The following ARFIP1 variants were observed in gnomAD, a reference collection of about 807,000 sequenced individuals.
The protein encoded by ARFIP1 is ARF interacting protein 1.
A neutral mutation model predicts 42.5 loss-of-function variants in ARFIP1; 24 were observed. The ratio of observed to expected loss-of-function variants is 0.57; its 90% confidence interval spans 0.41 to 0.80. The LOEUF (loss-of-function observed/expected upper bound fraction) is 0.80. ARFIP1 is among the 30% of genes least tolerant of loss of function. The pLI is 0.00. For synonymous variants in ARFIP1, 141 were observed against 153.7 expected, an observed-to-expected ratio of 0.92 and a Z score of 0.61; for missense variants, 354 against 434.0, an observed-to-expected ratio of 0.82 and a Z score of 1.64.
intron 2 of ARFIP1, 105 bp downstream of exon 2, chr4:152,829,831 T>G: frequency 1.1e-6 from 1 of 906,128 alleles, no homozygotes. Flanking sequence ...TTTCTTAGAT[T>G]GGCTTCAGTC....
rs1554037687 is a variant in ARFIP1, at chr4:152,910,153, T to TAG, written c.1057_1058insGA (p.Lys353ArgfsTer8). ...ATCAGAAGCAGCTTGAACAGACACT[T>TAG]AAACAGTTCCATATCAAATTGAAAA... On this transcript the variant is annotated frameshift_variant, in exon 9 of 9. Transcript: ENST00000353617. LOFTEE classifies it high-confidence loss of function. 1.9e-6 allele frequency: 3 copies of TAG among 1,614,036 alleles called. No individual in the cohort carries two copies. In the African/African-American group the frequency reaches 4.0e-5, roughly 22 times the overall value.
intron 1 of ARFIP1, chr4:152,796,364 A>G: frequency 1.4e-6 from 1 of 721,976 alleles, no homozygotes; most frequent in Non-Finnish European, 2.5e-6. Context: ...TTTTCTTGTA[A>G]AGACATCTCT....
At chr4:152,840,456 G>A (rs1251388462) in intron 2 of ARFIP1, among the ~76,000 whole-genome samples, 1 of 152,140 alleles carries the variant, frequency 6.6e-6, no homozygotes, top group East Asian at 1.9e-4. Flanking sequence ...ATTTGTGTAG[G>A]ATTGTGATAT....
At chr4:152,837,027 G>A (rs531921889) in intron 2 of ARFIP1, among the ~76,000 whole-genome samples, 3 of 151,778 alleles carry the variant, frequency 2.0e-5, no homozygotes, top group Admixed American at 6.6e-5. Context: ...GAGAACATAC[G>A]ATGTTTGGTT....
At chr4:152,853,540 T>C (rs1733164742) in intron 2 of ARFIP1, among the ~76,000 whole-genome samples, 1 of 152,210 alleles carries the variant, frequency 6.6e-6, no homozygotes, top group East Asian at 1.9e-4. Context: ...CTTATGGGGG[T>C]TCCTTTATAG....
At chr4:152,834,646 G>A (rs1731510614) in intron 2 of ARFIP1, among the ~76,000 whole-genome samples, 1 of 152,234 alleles carries the variant, frequency 6.6e-6, no homozygotes, top group Non-Finnish European at 1.5e-5. Flanking sequence ...GGGCACCTCA[G>A]GCTTTGGGCA....
intron 2 of ARFIP1, among the ~76,000 whole-genome samples, chr4:152,832,295 C>T (rs1327082599): frequency 2.0e-5 from 3 of 152,156 alleles, no homozygotes; most frequent in Non-Finnish European, 2.9e-5. Flanking sequence ...TTAATGGTAT[C>T]CCATTGTGGT....
intron 1 of ARFIP1, among the ~76,000 whole-genome samples, chr4:152,826,739 G>A (rs1730870337): frequency 6.6e-6 from 1 of 152,162 alleles, no homozygotes; most frequent in African/African-American, 2.4e-5. Flanking sequence ...ACCCATGTTT[G>A]TAGCAGCACT....
chr4:152,866,074 A>G (rs1252534856), intron 3 of ARFIP1, among the ~76,000 whole-genome samples: 2 of 151,952 alleles, frequency 1.3e-5, no homozygotes, highest in Non-Finnish European at 2.9e-5. Flanking sequence ...GATGACTCTT[A>G]ACGAGCATGT....
chr4:152,909,105 C>T (rs1738625750), intron 8 of ARFIP1, among the ~76,000 whole-genome samples: 2 of 152,194 alleles, frequency 1.3e-5, no homozygotes, highest in South Asian at 4.1e-4. Context: ...CCTCAGATGT[C>T]CGGGCTTGGT....
chr4:152,881,048 G>A lies in ARFIP1; in HGVS notation c.497G>A (p.Arg166Lys). 1.2e-6 allele frequency: 2 copies of A among 1,613,732 alleles called. No individual in the cohort carries two copies. Among genetic ancestry groups the A allele is most frequent in the Non-Finnish European group, 1.7e-6 (2 of 1,179,756 alleles). The change falls in exon 6 of 9, where the codon AGG becomes AAG. Residue 166 changes from arginine (R) to lysine (K), a missense_variant. Coordinates refer to ENST00000353617, the MANE Select transcript of ARFIP1 (RefSeq NM_001025595.3). ...CTTGAAGCTCAGATTGATATATTAA[G>A]GGATAACAAGAAAAAATATGAAAAT... is the stretch of plus-strand genomic sequence containing the variant. ...LELEAQIDIL[R>K]DNKKKYENIL...
intron 8 of ARFIP1, among the ~76,000 whole-genome samples, chr4:152,900,559 T>G (rs1160198658): frequency 6.6e-6 from 1 of 152,178 alleles, no homozygotes; most frequent in Non-Finnish European, 1.5e-5. Flanking sequence ...ACACCCATAT[T>G]TTTATAGTGT....
intron 2 of ARFIP1, among the ~76,000 whole-genome samples, chr4:152,848,001 A>G (rs1732699906): frequency 6.6e-6 from 1 of 152,068 alleles, no homozygotes; most frequent in Non-Finnish European, 1.5e-5. Flanking sequence ...GACCCCCTGA[A>G]CCCTGCATAA....
intron 1 of ARFIP1, among the ~76,000 whole-genome samples, chr4:152,784,723 C>G (rs907953828): frequency 6.6e-6 from 1 of 152,244 alleles, no homozygotes; most frequent in Non-Finnish European, 1.5e-5. Flanking sequence ...ATCAGATCCT[C>G]TCTTGAAAGA....
chr4:152,887,596 T>TA (rs1736369613), intron 7 of ARFIP1, among the ~76,000 whole-genome samples: 1 of 152,122 alleles, frequency 6.6e-6, no homozygotes, highest in African/African-American at 2.4e-5. Flanking sequence ...ATATATTGGG[T>TA]AAAATGAAAT....
chr4:152,882,868 A>G lies in ARFIP1; in HGVS notation c.779A>G (p.Tyr260Cys), dbSNP rs1332479437. 2 of 1,606,786 alleles carry G rather than the reference A, an allele frequency of 1.2e-6. No homozygotes were observed. The highest frequency in any genetic ancestry group is 1.7e-5 in the Admixed American group (1 of 58,524). ...GATACATTAATGACTGTGAAACAGT[A>G]TGAAAGTGCCAGGTAAGGTATACAT... ...IEDTLMTVKQ[Y>C]ESARIEYDAY... is the part of the protein sequence containing the mutation. Residue 260 changes from tyrosine (Y) to cysteine (C), a missense_variant, in exon 7 of 9, where the codon TAT (tyrosine) becomes TGT (cysteine). Tyr to Cys is a radical substitution (Grantham distance 194). Coordinates refer to ENST00000353617, the MANE Select transcript of ARFIP1 (RefSeq NM_001025595.3).
intron 1 of ARFIP1, among the ~76,000 whole-genome samples, chr4:152,826,766 C>T (rs879524899): frequency 6.6e-6 from 1 of 152,090 alleles, no homozygotes; most frequent in Non-Finnish European, 1.5e-5. Context: ...AATAGCTAAA[C>T]GTTTGAAGCA....
At chr4:152,889,706 A>G (rs1324676910) in intron 8 of ARFIP1, among the ~76,000 whole-genome samples, 5 of 127,244 alleles carry the variant, frequency 3.9e-5, no homozygotes, top group Admixed American at 1.8e-4. Flanking sequence ...TATATATAGT[A>G]TATATACACT....
At chr4:152,882,118 G>T (rs1039123418) in intron 6 of ARFIP1, among the ~76,000 whole-genome samples, 1 of 152,138 alleles carries the variant, frequency 6.6e-6, no homozygotes, top group South Asian at 2.1e-4. Context: ...GGAGTCATGT[G>T]TAATGTTTAC....
Sources: allele counts gnomAD v4.1 joint callset (sites outside exome capture counted in the v4.1 genomes callset), GRCh38; gene constraint gnomAD v4.1.1; transcripts MANE v1.5; gene names NCBI Gene and HGNC (gene_info 2026-07-23, HGNC 2026-07-21).